RIF1: variants seen among roughly 807,000 people sequenced by gnomAD.
The protein encoded by RIF1 is replication timing regulatory factor 1, also known as telomere-associated protein RIF1.
A neutral mutation model predicts 247.1 loss-of-function variants in RIF1; 45 were observed. The ratio of observed to expected loss-of-function variants is 0.18; its 90% CI spans 0.14 to 0.23. The LOEUF is 0.23. Among genes scored for constraint, RIF1 ranks in the 10% least tolerant of loss-of-function variants. The probability of loss-of-function intolerance (pLI) is 1.00; values close to 1 mark genes in which losing one functional copy is unlikely to be tolerated. For synonymous variants in RIF1, 1,087 were observed against 978.8 expected, an observed-to-expected ratio of 1.11 and a Z score of -2.06; for missense variants, 2,967 against 2,862.5, an observed-to-expected ratio of 1.04 and a Z score of -0.83.
chr2:151,482,410 G>T (rs558417090), downstream of RIF1, among the ~76,000 whole-genome samples: 1 of 152,084 alleles, frequency 6.6e-6, no homozygotes, highest in African/African-American at 2.4e-5. Flanking sequence ...AGAGGTGGTG[G>T]TTTTTCTGTT....
chr2:151,497,393 T>TA (rs1488196784), intron 10 of RIF1: 10 of 978,602 alleles, frequency 1.0e-5, no homozygotes, highest in Non-Finnish European at 1.2e-5. Context: ...CTCATTATTT[T>TA]AAAAAAAAGA....
Position 151,411,285 on chromosome 2 carries a change from GAAGT to G in RIF1, c.133_136del (p.Val45LeufsTer15), listed in dbSNP as rs1215321372. 6.2e-7 allele frequency: 1 copy of G among 1,604,824 alleles called. No individual in the cohort carries two copies. Among genetic ancestry groups the G allele is most frequent in the Non-Finnish European group, 8.5e-7 (1 of 1,174,242 alleles). On this transcript the variant is annotated frameshift_variant, in exon 3 of 36. Transcript: ENST00000444746. LOFTEE classifies it high-confidence loss of function. ...TCGTATGACTGGAGAAGAAGGAAAAGAAGTAATTACAGAAATTGAGAAAAAACTT... is the reference window on the plus strand; with the variant it reads ...TCGTATGACTGGAGAAGAAGGAAAAGAATTACAGAAATTGAGAAAAAACTT...
the RIF1 span, chr2:151,525,399 T>A: frequency 1.5e-6 from 1 of 675,962 alleles, no homozygotes; most frequent in South Asian, 1.8e-5. Flanking sequence ...GGGACTTAGA[T>A]AAGACCCATA....
At chr2:151,414,628 CCTTT>C (rs1329898358) in intron 3 of RIF1, among the ~76,000 whole-genome samples, 191 bp from the exon 4 acceptor site, 6 of 152,190 alleles carry the variant, frequency 3.9e-5, no homozygotes, top group Non-Finnish European at 5.9e-5. Context: ...AGTTTCCTCT[CCTTT>C]CTTTACCAAG....
chr2:151,422,834 TTTA>T, intron 7 of RIF1, 113 bp from the exon 8 acceptor site: 1 of 621,490 alleles, frequency 1.6e-6, no homozygotes, highest in Non-Finnish European at 2.8e-6. Flanking sequence ...GGGTAATATT[TTTA>T]TTATGGAGAA....
intron 27 of RIF1, 90 bp downstream of exon 27, chr2:151,461,379 A>G: frequency 7.9e-7 from 1 of 1,267,768 alleles, no homozygotes; most frequent in Non-Finnish European, 1.1e-6. Flanking sequence ...TAGAACTAAA[A>G]TATGTGTACT....
At chr2:151,461,696 G>A (rs2152490781) in intron 27 of RIF1, among the ~76,000 whole-genome samples, 1 of 152,074 alleles carries the variant, frequency 6.6e-6, no homozygotes, top group Non-Finnish European at 1.5e-5. Context: ...CCGGCCACGT[G>A]TACTAAATTT....
downstream of RIF1, among the ~76,000 whole-genome samples, chr2:151,484,995 T>TAAC (rs887343006): frequency 6.6e-6 from 1 of 152,134 alleles, no homozygotes; most frequent in African/African-American, 2.4e-5. Context: ...TACAGGGACT[T>TAAC]ACCTACCTTC....
intron 19 of RIF1, 73 bp from the exon 20 acceptor site, chr2:151,446,353 G>T: frequency 2.4e-5 from 29 of 1,209,086 alleles, no homozygotes; most frequent in Non-Finnish European, 2.7e-5. Context: ...AAATGTTAAA[G>T]ATGTATTGAT....
chr2:151,501,111 G>GTT (rs1265890926), intron 11 of RIF1, among the ~76,000 whole-genome samples: 1 of 151,820 alleles, frequency 6.6e-6, no homozygotes, highest in African/African-American at 2.4e-5. Context: ...TTAGTGTTTG[G>GTT]TTTTTCTTTT....
chr2:151,525,047 T>G, the RIF1 span: 3 of 816,566 alleles, frequency 3.7e-6, no homozygotes, highest in Non-Finnish European at 6.1e-6. Context: ...CGCCACTAAC[T>G]TTTTGAAACT....
intron 12 of RIF1, chr2:151,505,948 C>T (rs2068542303): frequency 3.4e-6 from 2 of 586,654 alleles, no homozygotes; most frequent in African/African-American, 1.9e-5. Flanking sequence ...TCACAAGCCT[C>T]TCTGTTTTTC....
Position 151,464,696 on chromosome 2 carries a change from G to T in RIF1, c.5176G>T (p.Val1726Leu). ...ATGCCAACACAAGAGAAGTAGGAGG[G>T]TGAGGAGATCTAAAGGTTGTGATTG... is the stretch of plus-strand genomic sequence containing the variant. The part of the protein sequence containing the change: ...LECQHKRSRR[V>L]RRSKGCDCCG... Residue 1726 changes from valine (V) to leucine (L), a missense_variant, in exon 30 of 36, where the codon GTG (valine) becomes TTG (leucine). Physicochemically the swap from Val to Leu is conservative, Grantham distance 32. Around this residue, in one of 7 missense-constraint regions of RIF1, gnomAD observed 2,028 missense variants for 1,825.6 expected, o/e 1.11. Transcript: ENST00000444746. 2 of 1,613,134 alleles carry T rather than the reference G, an allele frequency of 1.2e-6. No individual in the cohort carries two copies. Among genetic ancestry groups the T allele is most frequent in the Non-Finnish European group, 8.5e-7 (1 of 1,179,534 alleles).
downstream of RIF1, chr2:151,512,695 T>C: frequency 7.4e-7 from 1 of 1,342,536 alleles, no homozygotes. Context: ...TCTTTCATGA[T>C]TGGGGTTTAT....
Position 151,474,089 on chromosome 2 carries a change from G to A in RIF1, c.7204+17G>A, listed in dbSNP as rs979877542. 8.4e-7 allele frequency: 1 copy of A among 1,190,174 alleles called. No individual in the cohort carries two copies. The highest frequency in any genetic ancestry group is 2.0e-5 in the Admixed American group (1 of 50,082). 73.7% of individuals were successfully genotyped at this position (1,190,174 alleles called of 1,614,324 possible). A position where few individuals can be genotyped will look rare whatever the true frequency, so the allele number is the denominator to read the frequency against. Reference sequence around the variant, plus strand: ...TTGTCTCAGGTATATTTTAGCAAAAGTGGGATAATTTTATTTAGAAGATCA... The same window carrying A: ...TTGTCTCAGGTATATTTTAGCAAAAATGGGATAATTTTATTTAGAAGATCA... On this transcript the variant is annotated intron_variant, in intron 35 of 35. Transcript: ENST00000444746.
intron 34 of RIF1, among the ~76,000 whole-genome samples, chr2:151,472,698 G>A (rs2432953): frequency 0.34 from 52,208 of 152,006 alleles, 8,994 homozygotes; most frequent in African/African-American, 0.37. Context: ...TGTTGAACCA[G>A]CCTTGCATCC....
In RIF1 at chr2:151,481,267, C is replaced by A; in HGVS notation, c.*6196C>A. On this transcript the variant is annotated 3_prime_UTR_variant, in exon 36 of 36. Transcript: ENST00000444746. ...GGTCTTGATTACTTAATTTCTGTTA[C>A]CCCTGTGTTTTCCAGAATGGCTTCT... 1 of 152,138 alleles carries A rather than the reference C, an allele frequency of 6.6e-6. No homozygotes were observed. Among genetic ancestry groups the A allele is most frequent in the East Asian group, 1.9e-4 (1 of 5,192 alleles). The allele number at this position is 152,138 out of a possible 1,614,324, so 9.4% of individuals were successfully genotyped here.
the RIF1 span, chr2:151,525,887 G>A: frequency 3.3e-6 from 4 of 1,196,978 alleles, no homozygotes; most frequent in South Asian, 3.6e-5. Context: ...AAAGGCAACT[G>A]ACATTATTTC....
intron 3 of RIF1, among the ~76,000 whole-genome samples, chr2:151,412,336 G>T (rs1027958860): frequency 4.7e-5 from 7 of 150,536 alleles, no homozygotes; most frequent in Admixed American, 1.3e-4. Flanking sequence ...CCTTGTTCTT[G>T]TGCTTTTATT....
Sources: gnomAD v4.1 joint callset for allele counts (sites outside exome capture counted in the v4.1 genomes callset) on GRCh38, gnomAD v4.1.1 for gene constraint, gnomAD v4.1.1 regional missense constraint, MANE v1.5 for transcripts, NCBI Gene and HGNC (gene_info 2026-07-23, HGNC 2026-07-21) for gene names.